ASB5: variants seen among roughly 807,000 people sequenced by gnomAD.
ASB5 encodes the protein ankyrin repeat and SOCS box containing 5.
In ASB5, 45 loss-of-function variants were observed where a neutral mutation model predicts 42.1. That is an observed-to-expected ratio of 1.07 (90% confidence interval 0.84 to 1.37). ASB5 has a LOEUF of 1.37. ASB5 is among the 40% of genes most tolerant of loss of function. ASB5 has a pLI of 0.00. For missense variants in ASB5, 402 were observed against 399.8 expected (o/e 1.01, Z -0.05); for synonymous variants, 147 against 150.6 (o/e 0.98, Z 0.18).
intron 2 of ASB5, among the ~76,000 whole-genome samples, chr4:176,275,594 A>G (rs193002674): frequency 1.9e-4 from 29 of 152,268 alleles, no homozygotes; most frequent in African/African-American, 7.0e-4. Context: ...CCAGCTCCCT[A>G]CGATCCCATA....
chr4:176,272,615 C>T (rs144746855), upstream of ASB5, among the ~76,000 whole-genome samples: 31 of 152,236 alleles, frequency 2.0e-4, no homozygotes, highest in East Asian at 2.1e-3. Flanking sequence ...TTCCTCCTTT[C>T]GAGTCTCTTG....
intron 1 of ASB5, among the ~76,000 whole-genome samples, chr4:176,258,194 G>T (rs1019999506): frequency 1.3e-5 from 2 of 152,062 alleles, no homozygotes; most frequent in Admixed American, 1.3e-4. Context: ...AGTGATTAAG[G>T]TAATAAATTA....
chr4:176,238,677 G>A (rs1429114976), intron 1 of ASB5, among the ~76,000 whole-genome samples: 2 of 151,870 alleles, frequency 1.3e-5, no homozygotes, highest in South Asian at 2.1e-4. Context: ...TATTTTTAAG[G>A]CTCTACCTTC....
upstream of ASB5, among the ~76,000 whole-genome samples, chr4:176,273,524 A>T (rs1754513076): frequency 6.6e-6 from 1 of 152,232 alleles, no homozygotes; most frequent in African/African-American, 2.4e-5. Context: ...TACTACCAGT[A>T]TGATGGAACA....
At chr4:176,265,852 A>G (rs1754346075) in intron 1 of ASB5, among the ~76,000 whole-genome samples, 1 of 152,202 alleles carries the variant, frequency 6.6e-6, no homozygotes, top group Non-Finnish European at 1.5e-5. Flanking sequence ...TGTAATCAGG[A>G]CACTTAGCAG....
chr4:176,225,679 C>A (rs1753357582), intron 1 of ASB5, among the ~76,000 whole-genome samples: 1 of 152,262 alleles, frequency 6.6e-6, no homozygotes, highest in Non-Finnish European at 1.5e-5. Flanking sequence ...CAACCTCTGT[C>A]TCCCATGTCA....
At chr4:176,223,816 G>A (rs1046490874) in intron 2 of ASB5, among the ~76,000 whole-genome samples, 2 of 152,202 alleles carry the variant, frequency 1.3e-5, no homozygotes, top group Non-Finnish European at 2.9e-5. Context: ...ATTCTTGGCT[G>A]AACTGTCAGT....
chr4:176,230,587 G>A (rs1753515175), intron 1 of ASB5, among the ~76,000 whole-genome samples: 1 of 152,072 alleles, frequency 6.6e-6, no homozygotes, highest in South Asian at 2.1e-4. Flanking sequence ...TAACATATGA[G>A]AATCAAAGGA....
intron 1 of ASB5, among the ~76,000 whole-genome samples, chr4:176,242,025 G>A (rs534237608): frequency 6.6e-5 from 10 of 152,276 alleles, no homozygotes; most frequent in African/African-American, 2.2e-4. Context: ...CCGGTGACAG[G>A]AGGACAAGCT....
chr4:176,261,550 C>G (rs1447051057), intron 1 of ASB5, among the ~76,000 whole-genome samples: 1 of 152,160 alleles, frequency 6.6e-6, no homozygotes, highest in Non-Finnish European at 1.5e-5. Context: ...TTTGGCTCCA[C>G]ATTCTAAACT....
intron 1 of ASB5, among the ~76,000 whole-genome samples, chr4:176,260,670 G>C (rs1325439672): frequency 6.6e-6 from 1 of 151,986 alleles, no homozygotes; most frequent in Non-Finnish European, 1.5e-5. Flanking sequence ...GCTGTTGTTT[G>C]TTTTTGTTTG....
upstream of ASB5, among the ~76,000 whole-genome samples, chr4:176,272,769 G>A (rs1754492265): frequency 1.3e-5 from 2 of 151,986 alleles, no homozygotes; most frequent in Admixed American, 1.3e-4. Flanking sequence ...ATAAAAGAGG[G>A]AATTTTGCAT....
chr4:176,230,429 G>T, intron 1 of ASB5, among the ~76,000 whole-genome samples: 1 of 152,066 alleles, frequency 6.6e-6, no homozygotes, highest in Non-Finnish European at 1.5e-5. Context: ...AAGAAATGAA[G>T]CTCTATCAAT....
chr4:176,223,781 C>T (rs6839076), intron 2 of ASB5, among the ~76,000 whole-genome samples: 32,599 of 152,114 alleles, frequency 0.21, 3,597 homozygotes, highest in African/African-American at 0.26. Context: ...CCTTTCACAT[C>T]GGGCTCTGGG....
In ASB5 at chr4:176,254,376, G is replaced by A. The variant is rs114280770; in HGVS notation, c.196+14537C>T. Among the ~76,000 whole-genome samples, 421 of 152,114 alleles carry A rather than the reference G, an allele frequency of 2.8e-3. 1 individual carries two copies. The highest frequency in any genetic ancestry group is 9.8e-3 in the African/African-American group (407 of 41,496). ...CTAGCTATATGCAGAAAATGAAACT[G>A]GACCCCTTCCTTACACCACATACAA... On this transcript the variant is annotated intron_variant, in intron 1 of 6. Coordinates refer to ENST00000296525, the MANE Select transcript of ASB5 (RefSeq NM_080874.4).
At chr4:176,266,818 T>C (rs1579337066) in intron 1 of ASB5, among the ~76,000 whole-genome samples, 1 of 152,162 alleles carries the variant, frequency 6.6e-6, no homozygotes, top group African/African-American at 2.4e-5. Flanking sequence ...CCTATTGATA[T>C]TGATTTCCTT....
chr4:176,252,181 A>C (rs560685479), intron 1 of ASB5, among the ~76,000 whole-genome samples: 32 of 152,306 alleles, frequency 2.1e-4, no homozygotes, highest in African/African-American at 7.7e-4. Context: ...GGTTAAAAGA[A>C]ATCGGGAAAA....
In ASB5 at chr4:176,241,812, G is replaced by A. The variant is rs531822572; in HGVS notation, c.197-16471C>T. 28 of 369,470 alleles carry A rather than the reference G, an allele frequency of 7.6e-5. No homozygotes were observed. In the South Asian group the frequency reaches 8.5e-4, roughly 11 times the overall value. 22.9% of individuals were successfully genotyped at this position (369,470 alleles called of 1,614,324 possible). A position where few individuals can be genotyped will look rare whatever the true frequency, so the allele number is the denominator to read the frequency against. ...TAAAGGTTGCTGGGAAACTACAGAT[G>A]TCAATCTTGTGGTGAGTGATATCTC... is the stretch of plus-strand genomic sequence containing the variant. On this transcript the variant is annotated intron_variant, in intron 1 of 6. Coordinates refer to ENST00000296525, the MANE Select transcript of ASB5 (RefSeq NM_080874.4).
intron 1 of ASB5, among the ~76,000 whole-genome samples, chr4:176,256,713 T>C (rs919677696): frequency 6.6e-6 from 1 of 152,052 alleles, no homozygotes; most frequent in Admixed American, 6.6e-5. Context: ...CCGAAGCAGG[T>C]GGAAGGCTTG....
Sources: allele counts gnomAD v4.1 joint callset (sites outside exome capture counted in the v4.1 genomes callset), GRCh38; gene constraint gnomAD v4.1.1; transcripts MANE v1.5; gene names NCBI Gene and HGNC (gene_info 2026-07-23, HGNC 2026-07-21).